Variants in SLC35F1 observed in about 807,000 individuals in gnomAD.
The protein encoded by SLC35F1 is solute carrier family 35 member F1, also known as chromosome 6 open reading frame 169.
In SLC35F1, 14 loss-of-function variants were observed where a neutral mutation model predicts 48.7. The observed-to-expected ratio is 0.29, with a 90% CI of 0.19 to 0.45. The LOEUF (loss-of-function observed/expected upper bound fraction) is 0.45, where lower values mean the gene tolerates loss of function less well. Ranked by LOEUF, SLC35F1 falls within the 20% of genes least tolerant of loss-of-function variation. The pLI, the probability that SLC35F1 is intolerant of heterozygous loss-of-function variation, is 1.00. For missense variants in SLC35F1, 404 were observed against 500.0 expected (o/e 0.81, Z 1.83); for synonymous variants, 190 against 202.2 (o/e 0.94, Z 0.51).
At chr6:118,251,649 T>G (rs911540589) in intron 3 of SLC35F1, among the ~76,000 whole-genome samples, 1 of 152,152 alleles carries the variant, frequency 6.6e-6, no homozygotes, top group Admixed American at 6.5e-5. Context: ...TGATCTTTTT[T>G]CAGATCAGAT....
chr6:118,184,814 A>T (rs1186302143), intron 2 of SLC35F1, among the ~76,000 whole-genome samples: 2 of 152,224 alleles, frequency 1.3e-5, no homozygotes, highest in African/African-American at 4.8e-5. Context: ...TAGTGAAAGT[A>T]GGAAGAAAAC....
chr6:117,910,915 ATAAT>A (rs1398665019), intron 1 of SLC35F1, among the ~76,000 whole-genome samples: 1 of 152,222 alleles, frequency 6.6e-6, no homozygotes, highest in Non-Finnish European at 1.5e-5. Flanking sequence ...TTGCTCATCA[ATAAT>A]TAATTAAAGG....
At chr6:118,235,697 T>G (rs1775355722) in intron 3 of SLC35F1, 61 bp downstream of exon 3, 2 of 1,566,770 alleles carry the variant, frequency 1.3e-6, no homozygotes, top group Non-Finnish European at 1.7e-6. Context: ...TACTTTCAGT[T>G]TAGTCCTTGA....
At chr6:118,007,403 C>CCGG (rs770502756) in intron 1 of SLC35F1, among the ~76,000 whole-genome samples, 14 of 152,146 alleles carry the variant, frequency 9.2e-5, no homozygotes, top group Admixed American at 2.6e-4. Flanking sequence ...CTACTATGTG[C>CCGG]CGGACATTGT....
rs1394219110 is a variant in SLC35F1 at position 118,273,745 on chromosome 6, A to G, written c.638-1714A>G. Among the ~76,000 whole-genome samples the G allele has an allele frequency of 3.9e-5, 6 of 152,324 alleles. No homozygotes were observed. In the East Asian group the frequency reaches 1.2e-3, roughly 29 times the overall value. On this transcript the variant is annotated intron_variant, in intron 4 of 7. Transcript: ENST00000360388. ...TCTGGTTTCTCATTAGGGCCTCATC[A>G]GATTCTCAGCTCATCTCCTGGGCAG...
At chr6:117,967,372 T>G (rs916573044) in intron 1 of SLC35F1, among the ~76,000 whole-genome samples, 1 of 152,244 alleles carries the variant, frequency 6.6e-6, no homozygotes, top group Non-Finnish European at 1.5e-5. Context: ...CATCAAAAAC[T>G]CCACTGAAGA....
intron 1 of SLC35F1, among the ~76,000 whole-genome samples, chr6:118,125,402 T>C (rs1423037246): frequency 6.6e-6 from 1 of 151,570 alleles, no homozygotes; most frequent in Non-Finnish European, 1.5e-5. Context: ...ATACTTACTA[T>C]AGACGTAGGT....
At position 118,314,706 on chromosome 6, in the gene SLC35F1, A is replaced by G. The variant is rs1776411105; in HGVS notation, c.*454A>G. On this transcript the variant is annotated 3_prime_UTR_variant, in exon 8 of 8. Coordinates refer to ENST00000360388, the MANE Select transcript of SLC35F1 (RefSeq NM_001029858.4). The stretch of plus-strand genomic sequence containing the variant: ...AGAGTCATACTTTATTTTTTTGCAC[A>G]GACTATATGAGTGATGCATGCCACA... 14 of 171,922 alleles carry G rather than the reference A, an allele frequency of 8.1e-5. No homozygotes were observed. The South Asian group carries it at 1.9e-3, about 23-fold the overall frequency. The allele number at this position is 171,922 out of a possible 1,614,324, so 10.6% of individuals were successfully genotyped here.
At chr6:117,983,594 G>C (rs1040099460) in intron 1 of SLC35F1, among the ~76,000 whole-genome samples, 2 of 152,016 alleles carry the variant, frequency 1.3e-5, no homozygotes, top group Non-Finnish European at 2.9e-5. Flanking sequence ...AAAAAGAAAA[G>C]AAAAGAAAAT....
At chr6:118,062,590 AAATAACG>A (rs1772556269) in intron 1 of SLC35F1, among the ~76,000 whole-genome samples, 1 of 152,190 alleles carries the variant, frequency 6.6e-6, no homozygotes, top group Admixed American at 6.5e-5. Context: ...TTCCTTTTAA[AAATAACG>A]GCAACAGTCT....
At chr6:118,218,646 T>A (rs1435140318) in intron 2 of SLC35F1, among the ~76,000 whole-genome samples, 1 of 152,202 alleles carries the variant, frequency 6.6e-6, no homozygotes, top group East Asian at 1.9e-4. Flanking sequence ...TCCTACTGTT[T>A]CTTTATGTCC....
chr6:118,178,103 C>G lies in SLC35F1; in HGVS notation c.349+23483C>G, dbSNP rs1774518830. The stretch of plus-strand genomic sequence containing the variant: ...CCCAAAACTGGAAGCCACAGCTAAT[C>G]AGGTCTCCATCACTGCTCCATGTCC... On this transcript the variant is annotated intron_variant, in intron 2 of 7. Coordinates refer to ENST00000360388, the MANE Select transcript of SLC35F1 (RefSeq NM_001029858.4). Among the ~76,000 whole-genome samples, 11 of 152,238 alleles carry G rather than the reference C, an allele frequency of 7.2e-5. No homozygotes were observed. In the South Asian group the frequency reaches 2.3e-3, roughly 32 times the overall value.
At chr6:118,071,763 G>A (rs145024244) in intron 1 of SLC35F1, among the ~76,000 whole-genome samples, 20 of 152,224 alleles carry the variant, frequency 1.3e-4, no homozygotes, top group African/African-American at 4.6e-4. Context: ...TGTCTTTTAA[G>A]CACCTGCTAT....
At position 118,151,682 on chromosome 6, in the gene SLC35F1, A is replaced by G. The variant is rs549588527; in HGVS notation, c.174-2763A>G. 1.6e-4 allele frequency among the ~76,000 whole-genome samples: 24 copies of G among 151,952 alleles called. No homozygotes were observed. The South Asian group carries it at 4.8e-3, about 30-fold the overall frequency. ...AGACATGCACCACCACACCTGGGTAATTTTTTTAATTTTTTGTAGAAATGA... is the reference window on the plus strand; with the variant it reads ...AGACATGCACCACCACACCTGGGTAGTTTTTTTAATTTTTTGTAGAAATGA... On this transcript the variant is annotated intron_variant, in intron 1 of 7. Coordinates refer to ENST00000360388, the MANE Select transcript of SLC35F1 (RefSeq NM_001029858.4).
intron 2 of SLC35F1, among the ~76,000 whole-genome samples, chr6:118,178,647 C>T (rs1241975910): frequency 2.6e-5 from 4 of 152,006 alleles, no homozygotes; most frequent in Admixed American, 2.0e-4. Flanking sequence ...TCAGGGAAGA[C>T]CCTGCTCCTA....
rs2114641664 is a variant in SLC35F1, at chr6:118,285,300, T to C, written c.964T>C (p.Tyr322His). Reference protein sequence around the residue: ...VNLSLLTADLYSLFCGLFLFH... With the variant: ...VNLSLLTADLHSLFCGLFLFH... The stretch of plus-strand genomic sequence containing the variant: ...CCTCTCCTTGCTCACAGCAGACTTG[T>C]ACAGCCTGTTCTGTGGATTGTTTCT... The change falls in exon 7 of 8, where the codon TAC becomes CAC. Residue 322 changes from tyrosine to histidine, a missense_variant. Tyr to His is a moderately conservative substitution (Grantham distance 83, BLOSUM62 2). Around this residue, in one of 2 missense-constraint regions of SLC35F1, gnomAD observed 306 missense variants for 419.1 expected, o/e 0.73. Coordinates refer to ENST00000360388, the MANE Select transcript of SLC35F1 (RefSeq NM_001029858.4). The C allele has an allele frequency of 6.2e-7, 1 of 1,614,032 alleles. No individual in the cohort carries two copies. Among genetic ancestry groups the C allele is most frequent in the Non-Finnish European group, 8.5e-7 (1 of 1,179,888 alleles).
chr6:117,931,120 T>G (rs1357577077), intron 1 of SLC35F1, among the ~76,000 whole-genome samples: 1 of 152,202 alleles, frequency 6.6e-6, no homozygotes, highest in East Asian at 1.9e-4. Flanking sequence ...TTGGTGTTGT[T>G]CATTGTTTTT....
chr6:118,124,119 T>C (rs1350503981), intron 1 of SLC35F1, among the ~76,000 whole-genome samples: 1 of 152,162 alleles, frequency 6.6e-6, no homozygotes, highest in Non-Finnish European at 1.5e-5. Context: ...TCTGGGAGAC[T>C]GAGAGATGAT....
At chr6:118,312,022 G>A (rs990368252) in intron 7 of SLC35F1, among the ~76,000 whole-genome samples, 2 of 152,178 alleles carry the variant, frequency 1.3e-5, no homozygotes, top group African/African-American at 2.4e-5. Context: ...TACTGAGAAG[G>A]AAGCCTGGAC....
Sources: gnomAD v4.1 joint callset for allele counts (sites outside exome capture counted in the v4.1 genomes callset) on GRCh38, gnomAD v4.1.1 for gene constraint, gnomAD v4.1.1 regional missense constraint, MANE v1.5 for transcripts, NCBI Gene and HGNC (gene_info 2026-07-23, HGNC 2026-07-21) for gene names.